The following PGM2 variants were observed in gnomAD, a reference collection of about 807,000 sequenced individuals.
The protein encoded by PGM2 is phosphopentomutase.
In PGM2, 57 loss-of-function variants were observed where a neutral mutation model predicts 74.6. The ratio of observed to expected loss-of-function variants is 0.76; its 90% CI spans 0.62 to 0.95. The LOEUF (loss-of-function observed/expected upper bound fraction) is 0.95, where lower values mean the gene tolerates loss of function less well. Among genes scored for constraint, PGM2 ranks in the 40% least tolerant of loss-of-function variants. The probability of loss-of-function intolerance (pLI) is 0.00; values close to 1 mark genes in which losing one functional copy is unlikely to be tolerated. For missense variants in PGM2, 706 were observed against 741.9 expected, an observed-to-expected ratio of 0.95 and a Z score of 0.56; for synonymous variants, 273 against 260.7, an observed-to-expected ratio of 1.05 and a Z score of -0.46.
chr4:37,830,217 G>T, intron 2 of PGM2, 86 bp downstream of exon 2: 1 of 1,026,812 alleles, frequency 9.7e-7, no homozygotes, highest in Admixed American at 2.9e-5. Flanking sequence ...TCTAATTATA[G>T]ACATGTCTTA....
chr4:37,846,801 A>G (rs1725885863), intron 8 of PGM2, 130 bp from the exon 9 acceptor site: 1 of 698,380 alleles, frequency 1.4e-6, no homozygotes. Context: ...AAGATGATGA[A>G]TAACAAGAAC....
At chr4:37,830,530 C>T (rs776869434) in intron 2 of PGM2, among the ~76,000 whole-genome samples, 4 of 152,150 alleles carry the variant, frequency 2.6e-5, no homozygotes, top group East Asian at 1.9e-4. Flanking sequence ...TTCTAACTGC[C>T]GGAGTTACCA....
chr4:37,836,630 G>A (rs755575086), intron 3 of PGM2, among the ~76,000 whole-genome samples: 12 of 152,170 alleles, frequency 7.9e-5, no homozygotes, highest in Non-Finnish European at 1.5e-4. Flanking sequence ...AAGTATTTGG[G>A]GAGAGTAAGA....
chr4:37,860,678 G>T (rs368256183), intron 13 of PGM2, among the ~76,000 whole-genome samples: 25 of 152,168 alleles, frequency 1.6e-4, no homozygotes, highest in African/African-American at 5.8e-4. Flanking sequence ...ATGAAGTAAT[G>T]GAAAGTACAA....
chr4:37,847,674 C>T (rs1012368522), intron 10 of PGM2, among the ~76,000 whole-genome samples: 40 of 152,122 alleles, frequency 2.6e-4, no homozygotes, highest in Admixed American at 1.6e-3. Flanking sequence ...ATCTATGCTA[C>T]GGTCTAGCCA....
At chr4:37,833,939 T>C (rs975318750) in intron 2 of PGM2, among the ~76,000 whole-genome samples, 1 of 152,188 alleles carries the variant, frequency 6.6e-6, no homozygotes, top group African/African-American at 2.4e-5. Flanking sequence ...AGCCCTACAC[T>C]GAACTACCTC....
chr4:37,857,347 G>T (rs932062308), intron 13 of PGM2, among the ~76,000 whole-genome samples: 2 of 152,204 alleles, frequency 1.3e-5, no homozygotes, highest in East Asian at 1.9e-4. Flanking sequence ...AATCAAACTT[G>T]TGCAAATAAA....
At chr4:37,838,792 A>G (rs1340683724) in intron 4 of PGM2, among the ~76,000 whole-genome samples, 3 of 152,246 alleles carry the variant, frequency 2.0e-5, no homozygotes, top group Non-Finnish European at 4.4e-5. Flanking sequence ...GAATTGAACC[A>G]GTGTATCATG....
rs747564331 is a variant in PGM2, at chr4:37,862,373, C to A, written c.*761C>A. The A allele has an allele frequency of 6.6e-6, 1 of 152,076 alleles. No homozygotes were observed. The highest frequency in any genetic ancestry group is 1.9e-4 in the East Asian group (1 of 5,198). The allele number at this position is 152,076 out of a possible 1,614,324, so 9.4% of individuals were successfully genotyped here. On this transcript the variant is annotated 3_prime_UTR_variant, in exon 14 of 14. Transcript: ENST00000381967. ...GGTTGTTTGTTCATTTGTATTAGCA[C>A]AATTTAATGTAATTCCTGGTTTGGA...
intron 2 of PGM2, among the ~76,000 whole-genome samples, chr4:37,834,179 T>G (rs528026803): frequency 6.6e-6 from 1 of 152,062 alleles, no homozygotes; most frequent in African/African-American, 2.4e-5. Flanking sequence ...AAAAAATTTT[T>G]AAAAATTAGT....
Position 37,846,964 on chromosome 4 carries a change from G to T in PGM2, c.1041G>T (p.Leu347Phe). The change falls in exon 9 of 14, where the codon TTG (leucine) becomes TTT (phenylalanine). Residue 347 changes from leucine (L) to phenylalanine (F), a missense_variant. Leu to Phe is a conservative substitution (Grantham distance 22). Coordinates refer to ENST00000381967, the MANE Select transcript of PGM2 (RefSeq NM_018290.4). ...GEWRVFSGNE[L>F]GALLGWWLFT... ...GGAGGGTGTTTTCAGGCAATGAGTT[G>T]GGGGCCCTCCTGGGCTGGTGGCTTT... 1 of 1,613,316 alleles carries T rather than the reference G, an allele frequency of 6.2e-7. No homozygotes were observed. Among genetic ancestry groups the T allele is most frequent in the Admixed American group, 1.7e-5 (1 of 59,930 alleles).
chr4:37,829,134 T>C (rs1725371750), intron 1 of PGM2, among the ~76,000 whole-genome samples: 1 of 152,196 alleles, frequency 6.6e-6, no homozygotes, highest in Admixed American at 6.5e-5. Flanking sequence ...ATGAAACTAA[T>C]GTGATTGTCA....
intron 13 of PGM2, among the ~76,000 whole-genome samples, chr4:37,857,375 G>C (rs1437523348): frequency 1.3e-5 from 2 of 152,062 alleles, no homozygotes; most frequent in African/African-American, 4.8e-5. Flanking sequence ...GAAAATTCCT[G>C]AGCATCTTAA....
intron 10 of PGM2, among the ~76,000 whole-genome samples, chr4:37,848,013 G>T (rs1019911743): frequency 1.3e-5 from 2 of 152,112 alleles, no homozygotes; most frequent in African/African-American, 4.8e-5. Context: ...TTGTCTTTCC[G>T]TAGCTTTTTA....
At chr4:37,840,346 A>T (rs977097261) in intron 6 of PGM2, 87 bp downstream of exon 6, 1 of 776,194 alleles carries the variant, frequency 1.3e-6, no homozygotes, top group African/African-American at 1.7e-5. Flanking sequence ...TTTCTCTTTA[A>T]TTTGCTCATG....
In PGM2 at chr4:37,841,116, T is replaced by TGTGTGTG. The variant is rs1560415272; in HGVS notation, c.719+857_719+858insGTGTGTG. ...TATATATATATGTGTGTGTGTGTGT[T>TGTGTGTG]TGTATATGTATAATATACTTCAAAA... On this transcript the variant is annotated intron_variant, in intron 6 of 13. Transcript: ENST00000381967. Among the ~76,000 whole-genome samples, 145 of 95,808 alleles carry TGTGTGTG rather than the reference T, an allele frequency of 1.5e-3. 2 individuals carry two copies. Among genetic ancestry groups the TGTGTGTG allele is most frequent in the African/African-American group, 7.6e-3 (139 of 18,264 alleles). The allele number at this position is 95,808 out of a possible 152,430, so 62.9% of individuals were successfully genotyped here.
chr4:37,839,800 G>A, intron 4 of PGM2, 48 bp from the exon 5 acceptor site: 2 of 1,027,582 alleles, frequency 1.9e-6, no homozygotes, highest in Middle Eastern at 4.1e-4. Flanking sequence ...AGAATATCTG[G>A]TTATTTTCGT....
At chr4:37,841,218 A>G (rs1397609380) in intron 6 of PGM2, among the ~76,000 whole-genome samples, 1 of 119,066 alleles carries the variant, frequency 8.4e-6, no homozygotes, top group Non-Finnish European at 1.7e-5. Flanking sequence ...CCCCCCAATT[A>G]ATTTGTCATG....
intron 11 of PGM2, 149 bp from the exon 12 acceptor site, chr4:37,850,035 G>C: frequency 2.0e-6 from 1 of 510,248 alleles, no homozygotes; most frequent in Non-Finnish European, 3.4e-6. Flanking sequence ...TGATCTGCCC[G>C]CCTCGGCCTC....
Sources: allele counts gnomAD v4.1 joint callset (sites outside exome capture counted in the v4.1 genomes callset), GRCh38; gene constraint gnomAD v4.1.1; transcripts MANE v1.5; gene names NCBI Gene and HGNC (gene_info 2026-07-23, HGNC 2026-07-21).